Variants in TOM1L2 observed in about 807,000 individuals in gnomAD.
The protein encoded by TOM1L2 is TOM1-like protein 2.
TOM1L2 carries 31 observed loss-of-function variants against 67.9 expected under a neutral mutation model. The observed-to-expected ratio is 0.46, with a 90% CI of 0.34 to 0.62. The LOEUF (loss-of-function observed/expected upper bound fraction) is 0.62, where lower values mean the gene tolerates loss of function less well. TOM1L2 is among the 20% of genes least tolerant of loss of function. The probability of loss-of-function intolerance (pLI) is 0.01; values close to 1 mark genes in which losing one functional copy is unlikely to be tolerated. For missense variants in TOM1L2, 606 were observed against 663.5 expected (o/e 0.91, Z 0.95); for synonymous variants, 256 against 254.0 (o/e 1.01, Z -0.07).
chr17:17,906,908 A>G (rs2039124710), intron 2 of TOM1L2, among the ~76,000 whole-genome samples: 1 of 152,260 alleles, frequency 6.6e-6, no homozygotes, highest in Non-Finnish European at 1.5e-5. Context: ...CTGTAAAACA[A>G]AAGAGGATTC....
chr17:17,912,545 A>ACGGGGCGG (rs1437474782), intron 1 of TOM1L2, among the ~76,000 whole-genome samples: 1 of 146,130 alleles, frequency 6.8e-6, no homozygotes, highest in African/African-American at 2.6e-5. Context: ...CACATCCCAG[A>ACGGGGCGG]CGGGGCGGCG....
intron 3 of TOM1L2, among the ~76,000 whole-genome samples, 181 bp from the exon 4 acceptor site, chr17:17,893,991 G>A (rs1419379457): frequency 6.6e-6 from 1 of 152,154 alleles, no homozygotes; most frequent in Non-Finnish European, 1.5e-5. Context: ...CATTCTCCAG[G>A]GATGACAGCA....
chr17:17,906,260 T>G (rs953141581), intron 2 of TOM1L2, among the ~76,000 whole-genome samples: 2 of 151,750 alleles, frequency 1.3e-5, no homozygotes, highest in African/African-American at 2.4e-5. Flanking sequence ...TCCCAAGTAG[T>G]TGGGACTACA....
chr17:17,970,206 C>T (rs909182056), intron 1 of TOM1L2, among the ~76,000 whole-genome samples: 1 of 151,946 alleles, frequency 6.6e-6, no homozygotes, highest in African/African-American at 2.4e-5. Context: ...AGGCGCATGC[C>T]ACCACGCCTG....
At chr17:17,886,410 T>C (rs1289539977) in intron 4 of TOM1L2, among the ~76,000 whole-genome samples, 1 of 152,260 alleles carries the variant, frequency 6.6e-6, no homozygotes, top group Non-Finnish European at 1.5e-5. Context: ...GAGCACTGTC[T>C]GGAAGGCCCA....
chr17:17,890,086 T>G (rs2144165720), intron 4 of TOM1L2, among the ~76,000 whole-genome samples: 1 of 152,230 alleles, frequency 6.6e-6, no homozygotes, highest in Non-Finnish European at 1.5e-5. Context: ...ATTGTCAGAG[T>G]CTCTGGGGGA....
At chr17:17,937,905 C>G (rs1269674166) in intron 1 of TOM1L2, among the ~76,000 whole-genome samples, 1 of 152,200 alleles carries the variant, frequency 6.6e-6, no homozygotes. Context: ...TCCTTCATGT[C>G]TCACCAGTCC....
intron 1 of TOM1L2, among the ~76,000 whole-genome samples, chr17:17,959,259 T>G (rs2041592023): frequency 6.6e-6 from 1 of 152,230 alleles, no homozygotes; most frequent in African/African-American, 2.4e-5. Context: ...CTTGTGGGAC[T>G]GAGCCCTTAA....
chr17:17,927,487 C>T (rs1237357951), intron 1 of TOM1L2, among the ~76,000 whole-genome samples: 1 of 152,152 alleles, frequency 6.6e-6, no homozygotes, highest in Non-Finnish European at 1.5e-5. Context: ...CAATGTGATA[C>T]ATCAAGGGAA....
intron 6 of TOM1L2, among the ~76,000 whole-genome samples, chr17:17,880,098 C>T (rs922761719): frequency 3.9e-5 from 6 of 152,186 alleles, no homozygotes; most frequent in African/African-American, 1.4e-4. Context: ...TCAGGGCTTC[C>T]GTTCCTGCTC....
intron 1 of TOM1L2, among the ~76,000 whole-genome samples, chr17:17,915,044 T>TA (rs2144541086): frequency 6.6e-6 from 1 of 152,294 alleles, no homozygotes; most frequent in South Asian, 2.1e-4. Context: ...TCTAGTTTGT[T>TA]ACGTAAAAAA....
intron 1 of TOM1L2, among the ~76,000 whole-genome samples, chr17:17,933,259 G>A (rs958824000): frequency 9.2e-5 from 14 of 152,156 alleles, no homozygotes; most frequent in Non-Finnish European, 1.8e-4. Context: ...GGAAGAACAC[G>A]AAAGGGCCAA....
chr17:17,915,575 A>G (rs1879642588), intron 1 of TOM1L2, among the ~76,000 whole-genome samples: 1 of 151,804 alleles, frequency 6.6e-6, no homozygotes, highest in African/African-American at 2.4e-5. Flanking sequence ...TGGCCCAATC[A>G]TAGCAGCATA....
intron 7 of TOM1L2, among the ~76,000 whole-genome samples, chr17:17,875,074 T>C (rs1490153703): frequency 6.6e-6 from 1 of 152,034 alleles, no homozygotes; most frequent in African/African-American, 2.4e-5. Context: ...CTGGCCAACA[T>C]GGTGAAACCC....
chr17:17,924,302 A>G (rs2144637762), intron 1 of TOM1L2, among the ~76,000 whole-genome samples: 1 of 152,284 alleles, frequency 6.6e-6, no homozygotes, highest in African/African-American at 2.4e-5. Flanking sequence ...GTACGGAATG[A>G]TGAAAATGTT....
chr17:17,935,517 T>G (rs1220615081), intron 1 of TOM1L2, among the ~76,000 whole-genome samples: 1 of 152,198 alleles, frequency 6.6e-6, no homozygotes, highest in Admixed American at 6.5e-5. Context: ...TGCCGAGCTG[T>G]GCTTTCCAAG....
At chr17:17,963,956 TAGATA>T (rs1461709049) in intron 1 of TOM1L2, among the ~76,000 whole-genome samples, 1 of 152,172 alleles carries the variant, frequency 6.6e-6, no homozygotes, top group African/African-American at 2.4e-5. Flanking sequence ...TTCTGTTTTA[TAGATA>T]AGAGAAGAGC....
chr17:17,909,211 CAT>C (rs934009999), intron 1 of TOM1L2, among the ~76,000 whole-genome samples: 4 of 152,028 alleles, frequency 2.6e-5, no homozygotes, highest in African/African-American at 9.7e-5. Flanking sequence ...AAACAAAAAA[CAT>C]AGCATTACCC....
intron 7 of TOM1L2, among the ~76,000 whole-genome samples, chr17:17,878,046 G>A (rs931872945): frequency 1.3e-5 from 2 of 152,212 alleles, no homozygotes; most frequent in African/African-American, 4.8e-5. Context: ...CAGGAATTCC[G>A]ACGCTGACAC....
Sources: allele counts gnomAD v4.1 joint callset (sites outside exome capture counted in the v4.1 genomes callset), GRCh38; gene constraint gnomAD v4.1.1; transcripts MANE v1.5; gene names NCBI Gene and HGNC (gene_info 2026-07-23, HGNC 2026-07-21).